Variants in TET3 observed in about 807,000 individuals in gnomAD.
TET3 encodes tet methylcytosine dioxygenase 3, also known as methylcytosine dioxygenase TET3.
Under a neutral mutation model 141.4 loss-of-function variants are expected in TET3, and 19 were observed. The ratio of observed to expected loss-of-function variants is 0.13; its 90% CI spans 0.09 to 0.20. The LOEUF is 0.20. Ranked by LOEUF, TET3 falls within the 10% of genes least tolerant of loss-of-function variation. The pLI is 1.00. For missense variants in TET3, 1,874 were observed against 2,356.9 expected (o/e 0.80, Z 4.24); for synonymous variants, 1,043 against 980.9 (o/e 1.06, Z -1.18).
the TET3 span, among the ~76,000 whole-genome samples, chr2:74,124,342 C>T: frequency 6.6e-6 from 1 of 151,446 alleles, no homozygotes; most frequent in Non-Finnish European, 1.5e-5. Flanking sequence ...CCAGCCGCCC[C>T]GTCCGGGAGG....
At chr2:73,992,307 T>TTTTTTTTTCTTTTTTTTCTTTCTG (rs1684368577) in intron 2 of TET3, among the ~76,000 whole-genome samples, 4 of 148,258 alleles carry the variant, frequency 2.7e-5, no homozygotes, top group African/African-American at 9.9e-5. Context: ...TTTCTTTTCT[T>TTTTTTTTTCTTTTTTTTCTTTCTG]TTTTTTTTTT....
the TET3 span, among the ~76,000 whole-genome samples, chr2:74,117,085 G>T: frequency 6.6e-6 from 1 of 152,112 alleles, no homozygotes; most frequent in African/African-American, 2.4e-5. Context: ...CAGAAGAGGT[G>T]GTAAGAAGGG....
At chr2:74,073,861 G>C in intron 5 of TET3, 1 of 423,860 alleles carries the variant, frequency 2.4e-6, no homozygotes, top group Non-Finnish European at 4.2e-6. Flanking sequence ...GCTTCTCTCT[G>C]TCTTGAAATG....
the TET3 span, chr2:74,122,591 G>A: frequency 1.6e-5 from 2 of 126,028 alleles, no homozygotes; most frequent in Non-Finnish European, 3.2e-5. Flanking sequence ...ATGGCTTACT[G>A]TAGCCTCGAC....
At chr2:74,134,023 G>A in the TET3 span, among the ~76,000 whole-genome samples, 2 of 152,160 alleles carry the variant, frequency 1.3e-5, no homozygotes, top group African/African-American at 4.8e-5. Flanking sequence ...GATTACAGGT[G>A]TGAGCCACCA....
At chr2:73,998,383 C>T (rs999059519) in intron 2 of TET3, 2 of 152,268 alleles carry the variant, frequency 1.3e-5, no homozygotes, top group African/African-American at 4.8e-5. Context: ...CAGAGTGTCA[C>T]CTATCAGCCT....
At chr2:73,993,565 C>T (rs554154506) in intron 2 of TET3, 2 of 152,338 alleles carry the variant, frequency 1.3e-5, no homozygotes, top group South Asian at 4.1e-4. Flanking sequence ...GCAAAGAATT[C>T]CAAGTGCCAG....
At chr2:74,034,450 A>G (rs867543449) in intron 3 of TET3, among the ~76,000 whole-genome samples, 88 of 151,868 alleles carry the variant, frequency 5.8e-4, no homozygotes, top group African/African-American at 1.7e-3. Flanking sequence ...GAATTTTGTT[A>G]TCATTCCCTT....
chr2:73,984,107 G>A (rs1257459090), upstream of TET3, among the ~76,000 whole-genome samples: 1 of 152,240 alleles, frequency 6.6e-6, no homozygotes, highest in Non-Finnish European at 1.5e-5. The surrounding 1 kb of genome is among the most constrained non-coding windows in gnomAD (Gnocchi z 5.6). Flanking sequence ...TTAGGGCTTA[G>A]TCGCCCCACG....
intron 3 of TET3, among the ~76,000 whole-genome samples, chr2:74,041,690 G>A (rs932130268): frequency 6.6e-6 from 1 of 152,190 alleles, no homozygotes; most frequent in African/African-American, 2.4e-5. Context: ...GTGGATTGTA[G>A]TGAAAATTTT....
chr2:74,124,690 G>A, the TET3 span, among the ~76,000 whole-genome samples: 2 of 152,150 alleles, frequency 1.3e-5, no homozygotes, highest in South Asian at 2.1e-4. Flanking sequence ...TAAGGGCGGT[G>A]CAAGATGTGC....
rs1326196891 is a variant in TET3 at position 74,101,248 on chromosome 2, A to G, written c.4460A>G (p.Asp1487Gly). The change falls in exon 12 of 12, where the codon GAT becomes GGT. Residue 1487 changes from aspartate to glycine, a missense_variant. Asp to Gly is a moderately conservative substitution (Grantham distance 94, BLOSUM62 -1). Around this residue, in one of 10 missense-constraint regions of TET3, gnomAD observed 602 missense variants for 590.2 expected, o/e 1.02. Transcript: ENST00000409262. The surrounding 1 kb of genome is among the most constrained non-coding windows in gnomAD (Gnocchi z 8.5). Reference protein sequence around the residue: ...ASCLAPSHFTDGQWGLFPGEG... With the variant: ...ASCLAPSHFTGGQWGLFPGEG... ...TGCCTGGCCCCTTCCCACTTCACAG[A>G]TGGCCAGTGGGGGCTGTTCCCCGGT... The G allele has an allele frequency of 5.6e-6, 9 of 1,612,612 alleles. No homozygotes were observed. The highest frequency in any genetic ancestry group is 1.3e-5 in the African/African-American group (1 of 74,890).
At chr2:74,032,469 G>C (rs1256270261) in intron 3 of TET3, among the ~76,000 whole-genome samples, 1 of 145,424 alleles carries the variant, frequency 6.9e-6, no homozygotes, top group South Asian at 2.2e-4. Flanking sequence ...GTGTGTGTGT[G>C]TGTGTGTGTG....
intron 1 of TET3, 71 bp downstream of exon 1, chr2:73,985,228 C>CGGGGGA (rs1316254394): frequency 8.8e-5 from 9 of 102,696 alleles, no homozygotes; most frequent in African/African-American, 1.4e-4. Context: ...GGGCCCGGCC[C>CGGGGGA]GGGGGAGGGG....
At chr2:74,064,293 G>T (rs1433218822) in intron 4 of TET3, among the ~76,000 whole-genome samples, 2 of 152,140 alleles carry the variant, frequency 1.3e-5, no homozygotes. Context: ...TATTATGTGT[G>T]TTAAGATTAA....
chr2:74,041,184 C>A (rs1687319997), intron 3 of TET3, among the ~76,000 whole-genome samples: 1 of 152,196 alleles, frequency 6.6e-6, no homozygotes, highest in South Asian at 2.1e-4. Flanking sequence ...TAAGCAAATT[C>A]TTCCCTAGAT....
downstream of TET3, among the ~76,000 whole-genome samples, chr2:74,110,728 A>G (rs1283058637): frequency 6.6e-6 from 1 of 152,020 alleles, no homozygotes; most frequent in African/African-American, 2.4e-5. Flanking sequence ...TTCCCTCACC[A>G]CACTTCAAAC....
chr2:74,133,381 T>C, the TET3 span, among the ~76,000 whole-genome samples: 8 of 152,330 alleles, frequency 5.3e-5, no homozygotes, highest in South Asian at 2.1e-4. Context: ...TGGTCAGAAA[T>C]TGGGGAGTGG....
chr2:74,124,232 G>A, the TET3 span, among the ~76,000 whole-genome samples: 23 of 142,486 alleles, frequency 1.6e-4, no homozygotes, highest in South Asian at 6.8e-4. Context: ...GTCAGCCCCC[G>A]CCCAGCCAGC....
Sources: gnomAD v4.1 joint callset for allele counts (sites outside exome capture counted in the v4.1 genomes callset) on GRCh38, gnomAD v4.1.1 for gene constraint, gnomAD v4.1.1 regional missense constraint, Gnocchi (gnomAD v3.1) non-coding constraint, MANE v1.5 for transcripts, NCBI Gene and HGNC (gene_info 2026-07-23, HGNC 2026-07-21) for gene names.